DDX31: variants seen among roughly 807,000 people sequenced by gnomAD.
The protein encoded by DDX31 is DEAD-box helicase 31.
DDX31 carries 70 observed loss-of-function variants against 91.3 expected under a neutral mutation model. The observed-to-expected ratio is 0.77, with a 90% CI of 0.63 to 0.94. DDX31 has a LOEUF of 0.94. Among genes scored for constraint, DDX31 ranks in the 40% least tolerant of loss-of-function variants. The pLI, the probability that DDX31 is intolerant of heterozygous loss-of-function variation, is 0.00. For missense variants in DDX31, 902 were observed against 925.0 expected, an observed-to-expected ratio of 0.98 and a Z score of 0.32; for synonymous variants, 362 against 350.6, an observed-to-expected ratio of 1.03 and a Z score of -0.36.
intron 19 of DDX31, among the ~76,000 whole-genome samples, chr9:132,599,618 T>C (rs1056974829): frequency 2.0e-5 from 3 of 152,260 alleles, no homozygotes; most frequent in African/African-American, 7.2e-5. Context: ...TTTTGTCCTA[T>C]AGTGAAATGC....
chr9:132,662,511 T>TTTC lies in DDX31; in HGVS notation c.257_259dup (p.Arg86dup), dbSNP rs1465490951. The TTTC allele has an allele frequency of 6.2e-7, 1 of 1,614,214 alleles. No homozygotes were observed. Among genetic ancestry groups the TTTC allele is most frequent in the East Asian group, 2.2e-5 (1 of 44,880 alleles). On this transcript the variant is annotated inframe_insertion, in exon 2 of 20. Transcript: ENST00000372159. Reference sequence around the variant, plus strand: ...CTTAATGCACTGTCTCTCCTCCTGGTTTCTATCACTTGTGCTAACCGAATG... The same window carrying TTTC: ...CTTAATGCACTGTCTCTCCTCCTGGTTTCTTCTATCACTTGTGCTAACCGAATG...
intron 19 of DDX31, among the ~76,000 whole-genome samples, chr9:132,600,268 G>A (rs1421809901): frequency 1.3e-5 from 2 of 152,202 alleles, no homozygotes; most frequent in Non-Finnish European, 2.9e-5. Flanking sequence ...CTGTTTTAGG[G>A]ATGCCTTCTT....
chr9:132,612,212 C>T lies in DDX31; in HGVS notation c.1869G>A (p.Glu623=), dbSNP rs1831385841. 6.2e-7 allele frequency: 1 copy of T among 1,614,092 alleles called. No individual in the cohort carries two copies. The highest frequency in any genetic ancestry group is 1.1e-5 in the South Asian group (1 of 91,090). ...ATCGGACGTGGAAGATGTGCTTCAG[C>T]TCCCTGGGGTAGGTGGCGTAGGCTT... ...FIQAYATYPR[E]LKHIFHVRSL... is the part of the protein sequence containing the mutation. The change falls in exon 19 of 20, where the codon GAG becomes GAA. Residue 623 remains glutamate (E), a synonymous_variant. Coordinates refer to ENST00000372159, the MANE Select transcript of DDX31 (RefSeq NM_022779.9).
At position 132,593,842 on chromosome 9, in the gene DDX31, G is replaced by A. The variant is rs969294146; in HGVS notation, c.*1024C>T. On this transcript the variant is annotated 3_prime_UTR_variant, in exon 20 of 20. Transcript: ENST00000372159. ...GCGGCACAGTCACTGCAGAGGAGAA[G>A]GAAACTGAGAAGGCAAGACACAGTG... 1 of 152,548 alleles carries A rather than the reference G, an allele frequency of 6.6e-6. No homozygotes were observed. Among genetic ancestry groups the A allele is most frequent in the Non-Finnish European group, 1.5e-5 (1 of 68,368 alleles). 9.4% of individuals were successfully genotyped at this position (152,548 alleles called of 1,614,324 possible).
intron 13 of DDX31, among the ~76,000 whole-genome samples, chr9:132,642,546 A>G (rs994576321): frequency 9.9e-5 from 15 of 152,158 alleles, no homozygotes; most frequent in Non-Finnish European, 1.9e-4. Context: ...AGAAAATATA[A>G]TACCACTCAA....
At chr9:132,653,727 T>C (rs894602704) in intron 6 of DDX31, among the ~76,000 whole-genome samples, 2 of 151,918 alleles carry the variant, frequency 1.3e-5, no homozygotes, top group African/African-American at 4.8e-5. Context: ...ACATATAAGC[T>C]AATTCTCTCT....
Position 132,625,665 on chromosome 9 carries a change from T to C in DDX31, c.1712A>G (p.Gln571Arg), listed in dbSNP as rs200774243. 2.9e-5 allele frequency: 47 copies of C among 1,613,632 alleles called. No individual in the cohort carries two copies. Among genetic ancestry groups the C allele is most frequent in the Non-Finnish European group, 3.7e-5 (44 of 1,179,606 alleles). Residue 571 changes from glutamine (Q) to arginine (R), a missense_variant and splice_region_variant, in exon 17 of 20, where the codon CAG (glutamine) becomes CGG (arginine). Physicochemically the swap from Gln to Arg is conservative, Grantham distance 43. Transcript: ENST00000372159. ...DCFKGKRWGA[Q>R]KSHAVGPQEI... ...AGCACAATAAATAACAAAACTCACC[T>C]GGGCTCCCCATCGTTTCCCTTTAAA... is the stretch of plus-strand genomic sequence containing the variant.
chr9:132,669,483 C>A, intron 1 of DDX31: 5 of 861,992 alleles, frequency 5.8e-6, no homozygotes, highest in South Asian at 3.3e-5. Flanking sequence ...AAAAAAAAAT[C>A]AGAGCTTAGT....
At chr9:132,669,331 C>T (rs1183481033) in intron 1 of DDX31, among the ~76,000 whole-genome samples, 6 of 130,040 alleles carry the variant, frequency 4.6e-5, no homozygotes, top group Non-Finnish European at 6.2e-5. Flanking sequence ...AATATTTTAA[C>T]TTTCTTCTTT....
intron 19 of DDX31, among the ~76,000 whole-genome samples, chr9:132,608,138 G>A (rs1037683286): frequency 2.0e-5 from 3 of 152,196 alleles, no homozygotes; most frequent in Non-Finnish European, 4.4e-5. Context: ...TCACGGAAGG[G>A]AAAATGCTGT....
chr9:132,653,232 G>A (rs575812514), intron 6 of DDX31, among the ~76,000 whole-genome samples: 21 of 151,814 alleles, frequency 1.4e-4, no homozygotes, highest in African/African-American at 5.1e-4. Flanking sequence ...AGTGGCTCAC[G>A]CCTGTAATCC....
intron 13 of DDX31, among the ~76,000 whole-genome samples, chr9:132,645,123 C>T (rs952343234): frequency 6.6e-6 from 1 of 152,120 alleles, no homozygotes; most frequent in Admixed American, 6.5e-5. Flanking sequence ...TTTGAAGCTG[C>T]CTGGTAACCT....
At chr9:132,656,982 C>G (rs1349967965) in intron 6 of DDX31, among the ~76,000 whole-genome samples, 1 of 152,122 alleles carries the variant, frequency 6.6e-6, no homozygotes, top group African/African-American at 2.4e-5. Flanking sequence ...AGTAAAATTC[C>G]TCACTCAGAG....
intron 6 of DDX31, 132 bp from the exon 7 acceptor site, chr9:132,652,624 G>A (rs376394201): frequency 3.5e-6 from 4 of 1,155,390 alleles, no homozygotes; most frequent in Non-Finnish European, 1.2e-6. Context: ...AAATAAGGTT[G>A]CCCACTGATG....
At position 132,634,585 on chromosome 9, in the gene DDX31, G is replaced by GTTTTT. The variant is rs59296842; in HGVS notation, c.1441-2499_1441-2495dup. On this transcript the variant is annotated intron_variant, in intron 14 of 19. Transcript: ENST00000372159. ...CAAATTCTCCAACTGTACCTAAGATGTTTTTTTTTTTTTTTTTTTTTTTTA... is the reference window on the plus strand; with the variant it reads ...CAAATTCTCCAACTGTACCTAAGATGTTTTTTTTTTTTTTTTTTTTTTTTTTTTTA... Among the ~76,000 whole-genome samples, 95 of 103,086 alleles carry GTTTTT rather than the reference G, an allele frequency of 9.2e-4. 1 individual carries two copies. Among genetic ancestry groups the GTTTTT allele is most frequent in the South Asian group, 2.2e-3 (6 of 2,756 alleles). The allele number at this position is 103,086 out of a possible 152,430, so 67.6% of individuals were successfully genotyped here.
chr9:132,634,249 C>T (rs1318386177), intron 14 of DDX31, among the ~76,000 whole-genome samples: 1 of 152,138 alleles, frequency 6.6e-6, no homozygotes, highest in Non-Finnish European at 1.5e-5. Flanking sequence ...TTTAAACCTA[C>T]AGAAAAGTTA....
intron 3 of DDX31, among the ~76,000 whole-genome samples, chr9:132,661,457 G>A (rs1834939860): frequency 6.6e-6 from 1 of 152,126 alleles, no homozygotes; most frequent in Non-Finnish European, 1.5e-5. Context: ...GGAAAAATTT[G>A]TGCTTGTTAT....
intron 13 of DDX31, among the ~76,000 whole-genome samples, chr9:132,643,082 C>G (rs896487863): frequency 6.6e-6 from 1 of 152,176 alleles, no homozygotes; most frequent in African/African-American, 2.4e-5. Flanking sequence ...CCTCAGCCTC[C>G]CAAAGTGCTA....
intron 14 of DDX31, among the ~76,000 whole-genome samples, chr9:132,633,837 G>GT (rs1378906824): frequency 1.3e-5 from 2 of 152,118 alleles, no homozygotes; most frequent in Admixed American, 6.6e-5. Context: ...GAAACACAGA[G>GT]TATCACTTAT....
Sources: allele counts gnomAD v4.1 joint callset (sites outside exome capture counted in the v4.1 genomes callset), GRCh38; gene constraint gnomAD v4.1.1; transcripts MANE v1.5; gene names NCBI Gene and HGNC (gene_info 2026-07-23, HGNC 2026-07-21).